BECN1: variants seen among roughly 807,000 people sequenced by gnomAD.
BECN1 encodes the protein beclin-1.
In BECN1, 15 loss-of-function variants were observed where a neutral mutation model predicts 60.1. The observed-to-expected ratio is 0.25, with a 90% CI of 0.17 to 0.38. The LOEUF (loss-of-function observed/expected upper bound fraction) is 0.38, where lower values mean the gene tolerates loss of function less well. Among genes scored for constraint, BECN1 ranks in the 10% least tolerant of loss-of-function variants. The probability of loss-of-function intolerance (pLI) is 1.00; values close to 1 mark genes in which losing one functional copy is unlikely to be tolerated. For synonymous variants in BECN1, 179 were observed against 201.8 expected (o/e 0.89, Z 0.96); for missense variants, 424 against 548.2 (o/e 0.77, Z 2.26).
chr17:42,821,682 A>G (rs577592140), intron 2 of BECN1, among the ~76,000 whole-genome samples: 1 of 152,336 alleles, frequency 6.6e-6, no homozygotes, highest in African/African-American at 2.4e-5. Context: ...ATTTGTCAAA[A>G]ATGTACAGCT....
chr17:42,812,997 G>C (rs1031606206), intron 10 of BECN1: 1 of 145,402 alleles, frequency 6.9e-6, no homozygotes, highest in Non-Finnish European at 1.5e-5. Context: ...ACCACGCCCA[G>C]CTGATTTTTT....
intron 7 of BECN1, among the ~76,000 whole-genome samples, chr17:42,816,957 G>A (rs2055159746): frequency 6.6e-6 from 1 of 151,092 alleles, no homozygotes; most frequent in Non-Finnish European, 1.5e-5. Flanking sequence ...GCAACAGAGT[G>A]AGACTCTGTC....
intron 10 of BECN1, chr17:42,812,826 CTTTTTTTTTTTTTT>C (rs753997510): frequency 7.5e-4 from 73 of 97,174 alleles, no homozygotes; most frequent in Middle Eastern, 6.0e-3. Context: ...GATACCTTTG[CTTTTTTTTTTTTTT>C]TTTTTTTTTT....
chr17:42,818,174 C>T (rs1453023585), intron 7 of BECN1, 47 bp downstream of exon 7: 3 of 1,587,908 alleles, frequency 1.9e-6, no homozygotes, highest in Non-Finnish European at 2.6e-6. Flanking sequence ...GCCATTTCCT[C>T]TCCTGGAGCC....
At chr17:42,817,308 A>C (rs893639108) in intron 7 of BECN1, among the ~76,000 whole-genome samples, 1 of 152,028 alleles carries the variant, frequency 6.6e-6, no homozygotes, top group Non-Finnish European at 1.5e-5. Context: ...AAAAAAAAAA[A>C]ACAAAAAAAC....
At chr17:42,816,085 T>A in intron 7 of BECN1, 31 bp from the exon 8 acceptor site, 1 of 1,542,334 alleles carries the variant, frequency 6.5e-7, no homozygotes, top group Non-Finnish European at 8.7e-7. Context: ...CATTGAAGGC[T>A]GTTAGCTTGG....
At chr17:42,811,963 T>C (rs2055019776) in intron 10 of BECN1, 166 bp from the exon 11 acceptor site, 3 of 782,486 alleles carry the variant, frequency 3.8e-6, no homozygotes, top group Non-Finnish European at 5.9e-6. Context: ...TACAATAAGC[T>C]TGGGCAAGTA....
At chr17:42,820,918 G>T in intron 2 of BECN1, 77 bp from the exon 3 acceptor site, 1 of 1,314,738 alleles carries the variant, frequency 7.6e-7, no homozygotes, top group Non-Finnish European at 1.1e-6. Context: ...GGAAAAGAAT[G>T]TGAAATATTC....
In BECN1 at chr17:42,818,240, GTC is replaced by G; in HGVS notation, c.662_663del (p.Arg221ThrfsTer14). 1 of 1,614,122 alleles carries G rather than the reference GTC, an allele frequency of 6.2e-7. No homozygotes were observed. Among genetic ancestry groups the G allele is most frequent in the Non-Finnish European group, 8.5e-7 (1 of 1,180,014 alleles). On this transcript the variant is annotated frameshift_variant, in exon 7 of 12. Coordinates refer to ENST00000590099, the MANE Select transcript of BECN1 (RefSeq NM_001313998.2). LOFTEE classifies it high-confidence loss of function. ...ACTCACTGAGCTTCCTCCTGATCCA[GTC>G]TCTCAGCCTCAGCCTGGACCTTCTC... ...NLEKVQAEAE[R>X]LDQEEAQYQR...
At position 42,810,882 on chromosome 17, in the gene BECN1, C is replaced by T. The variant is rs763193803; in HGVS notation, c.1231G>A (p.Gly411Ser). Residue 411 changes from glycine to serine, a missense_variant, in exon 12 of 12, where the codon GGC (glycine) becomes AGC (serine). Gly to Ser is a moderately conservative substitution (Grantham distance 56). Coordinates refer to ENST00000590099, the MANE Select transcript of BECN1 (RefSeq NM_001313998.2). ...AACTGGGTTTTGATGGAATAGGAGCCGCCACTGCCTCCTGTGTCTTCAATC... is the reference window on the plus strand; with the variant it reads ...AACTGGGTTTTGATGGAATAGGAGCTGCCACTGCCTCCTGTGTCTTCAATC... Reference protein sequence around the residue: ...GKIEDTGGSGGSYSIKTQFNS... With the variant: ...GKIEDTGGSGSSYSIKTQFNS... 3.1e-6 allele frequency: 5 copies of T among 1,612,714 alleles called. No homozygotes were observed. The South Asian group carries it at 4.4e-5, about 14-fold the overall frequency.
chr17:42,815,886 C>T (rs751552069), intron 8 of BECN1, 22 bp downstream of exon 8: 2 of 1,614,028 alleles, frequency 1.2e-6, no homozygotes, highest in Admixed American at 3.3e-5. Context: ...TGCAGTGCTC[C>T]TCATCCCCTA....
intron 8 of BECN1, chr17:42,815,643 GA>G (rs2055129959): frequency 7.9e-6 from 4 of 505,966 alleles, no homozygotes; most frequent in Non-Finnish European, 1.4e-5. Flanking sequence ...ACACCGTGGG[GA>G]TAAGAAATCA....
At position 42,824,263 on chromosome 17, in the gene BECN1, C is replaced by A. The variant is rs1350675392; in HGVS notation, c.-111G>T. The A allele has an allele frequency of 2.5e-6, 1 of 400,066 alleles. No homozygotes were observed. The highest frequency in any genetic ancestry group is 3.5e-5 in the East Asian group (1 of 28,176). The allele number at this position is 400,066 out of a possible 1,614,324, so 24.8% of individuals were successfully genotyped here. On this transcript the variant is annotated 5_prime_UTR_variant, in exon 1 of 12. Transcript: ENST00000590099. ...AGAACTACCATCGCTCTGTCTTCAG[C>A]GACTTCCCGGTAGCCGCCGGAAAAC...
rs1224106891 is a variant in BECN1 at position 42,813,944 on chromosome 17, G to A, written c.1041+4C>T. On this transcript the variant is annotated splice_donor_region_variant and intron_variant, in intron 10 of 11. Transcript: ENST00000590099. Reference sequence around the variant, plus strand: ...TCCAGTGAAAATGGAGCTTCACAGAGTACCTTAGATTTGTCTGTCAGAGAC... The same window carrying A: ...TCCAGTGAAAATGGAGCTTCACAGAATACCTTAGATTTGTCTGTCAGAGAC... The A allele has an allele frequency of 4.4e-6, 7 of 1,584,178 alleles. No homozygotes were observed. Among genetic ancestry groups the A allele is most frequent in the South Asian group, 2.3e-5 (2 of 88,446 alleles).
chr17:42,824,065 GC>G, intron 1 of BECN1, 89 bp downstream of exon 1: 1 of 695,384 alleles, frequency 1.4e-6, no homozygotes, highest in Non-Finnish European at 2.3e-6. Flanking sequence ...GCAGTTTAGA[GC>G]CCAGGGTCAG....
At chr17:42,820,727 G>A in intron 3 of BECN1, 47 bp downstream of exon 3, 1 of 1,505,756 alleles carries the variant, frequency 6.6e-7, no homozygotes, top group Non-Finnish European at 9.1e-7. Context: ...CTCTCATTTG[G>A]AATGTTTACT....
At chr17:42,814,711 GATTA>G (rs1367162492) in intron 8 of BECN1, 38 bp from the exon 9 acceptor site, 1 of 1,611,248 alleles carries the variant, frequency 6.2e-7, no homozygotes, top group Non-Finnish European at 8.5e-7. Flanking sequence ...GAAATACAGG[GATTA>G]CTTAAAAAGT....
rs1167002288 is a variant in BECN1 at position 42,818,274 on chromosome 17, T to C, written c.630A>G (p.Glu210=). 6.2e-7 allele frequency: 1 copy of C among 1,614,098 alleles called. No individual in the cohort carries two copies. Among genetic ancestry groups the C allele is most frequent in the East Asian group, 2.2e-5 (1 of 44,898 alleles). ...CCTCAGCCTGGACCTTCTCGAGATTTTCTGCCACTATCTTGCGGTTCTTTT... is the reference window on the plus strand; with the variant it reads ...CCTCAGCCTGGACCTTCTCGAGATTCTCTGCCACTATCTTGCGGTTCTTTT... The part of the protein sequence containing the change: ...DVEKNRKIVA[E]NLEKVQAEAE... The change falls in exon 7 of 12, where the codon GAA becomes GAG. Residue 210 remains glutamate, a synonymous_variant. Transcript: ENST00000590099.
At chr17:42,821,071 ATTACT>A (rs1340845182) in intron 2 of BECN1, among the ~76,000 whole-genome samples, 3 of 152,158 alleles carry the variant, frequency 2.0e-5, no homozygotes, top group East Asian at 1.9e-4. Flanking sequence ...TATTATTATT[ATTACT>A]TTAAGATGGA....
Sources: gnomAD v4.1 joint callset for allele counts (sites outside exome capture counted in the v4.1 genomes callset) on GRCh38, gnomAD v4.1.1 for gene constraint, MANE v1.5 for transcripts, NCBI Gene and HGNC (gene_info 2026-07-23, HGNC 2026-07-21) for gene names.